BACH1: variants seen among roughly 807,000 people sequenced by gnomAD.
BACH1 encodes the protein transcription regulator protein BACH1.
In BACH1, 35 loss-of-function variants were observed where a neutral mutation model predicts 52.9. That is an observed-to-expected ratio of 0.66 (90% confidence interval 0.51 to 0.88). BACH1 has a LOEUF of 0.88. Ranked by LOEUF, BACH1 falls within the 40% of genes least tolerant of loss-of-function variation. The pLI is 0.00. For synonymous variants in BACH1, 321 were observed against 319.6 expected, an observed-to-expected ratio of 1.00 and a Z score of -0.05; for missense variants, 808 against 872.6, an observed-to-expected ratio of 0.93 and a Z score of 0.93.
At chr21:29,348,313 C>T (rs886329056), downstream of BACH1, among the ~76,000 whole-genome samples, 15 of 152,216 alleles carry the variant, frequency 9.9e-5, no homozygotes, top group African/African-American at 3.6e-4. Flanking sequence ...GAAGAGTTAA[C>T]CACAAAATTA....
intron 1 of BACH1, among the ~76,000 whole-genome samples, chr21:29,318,659 G>A (rs1381270989): frequency 6.6e-6 from 1 of 152,196 alleles, no homozygotes; most frequent in African/African-American, 2.4e-5. Context: ...TGAGTAGTCA[G>A]CCAGCTGGTG....
chr21:29,350,751 G>A (rs2089197444), downstream of BACH1, among the ~76,000 whole-genome samples: 1 of 152,208 alleles, frequency 6.6e-6, no homozygotes, highest in African/African-American at 2.4e-5. Flanking sequence ...AAGAGGTTGA[G>A]GGAAGATCAT....
intron 4 of BACH1, 88 bp from the exon 5 acceptor site, chr21:29,342,311 G>A (rs186173851): frequency 1.2e-4 from 149 of 1,277,728 alleles, no homozygotes; most frequent in Non-Finnish European, 1.4e-4. Context: ...TACTTGATGA[G>A]AAGCCCCTGT....
chr21:29,360,670 C>A (rs1003708747), intron 2 of BACH1, among the ~76,000 whole-genome samples: 1 of 152,076 alleles, frequency 6.6e-6, no homozygotes, highest in Non-Finnish European at 1.5e-5. Flanking sequence ...CATGGCGAAA[C>A]CCTGTCTCTA....
chr21:29,330,400 T>C (rs1049064101), intron 4 of BACH1, among the ~76,000 whole-genome samples: 2 of 152,142 alleles, frequency 1.3e-5, no homozygotes, highest in African/African-American at 4.8e-5. Context: ...CAGGATGGTC[T>C]CGATCTCCTG....
At chr21:29,315,912 C>T (rs979563931) in intron 1 of BACH1, among the ~76,000 whole-genome samples, 1 of 151,570 alleles carries the variant, frequency 6.6e-6, no homozygotes, top group Non-Finnish European at 1.5e-5. Flanking sequence ...ATCATATGGC[C>T]CAGCTAACAC....
intron 4 of BACH1, among the ~76,000 whole-genome samples, chr21:29,338,910 G>A (rs1030277760): frequency 6.6e-5 from 10 of 151,930 alleles, no homozygotes; most frequent in African/African-American, 2.4e-4. Context: ...CTGCATGGAA[G>A]TATTTTATAT....
chr21:29,330,012 T>C (rs1312650465), intron 4 of BACH1, among the ~76,000 whole-genome samples: 2 of 152,190 alleles, frequency 1.3e-5, no homozygotes, highest in Non-Finnish European at 2.9e-5. Flanking sequence ...TTAAATGAAC[T>C]GTGGACCTGA....
intron 1 of BACH1, among the ~76,000 whole-genome samples, chr21:29,312,571 A>G (rs1289145396): frequency 6.6e-6 from 1 of 152,222 alleles, no homozygotes; most frequent in African/African-American, 2.4e-5. Flanking sequence ...AAGGTTGCAG[A>G]ATTCACGGTT....
Position 29,332,818 on chromosome 21 carries a change from C to T in BACH1, c.1776+3125C>T, listed in dbSNP as rs558275557. Among the ~76,000 whole-genome samples the T allele has an allele frequency of 4.3e-4, 65 of 152,318 alleles. 2 individuals are homozygous for T. The South Asian group carries it at 0.013, about 31-fold the overall frequency. The stretch of plus-strand genomic sequence containing the variant: ...TACTGGCTGAATTCACTCAGGTATC[C>T]TCTTCTGTGACTAGCGAGCAAGAAC... On this transcript the variant is annotated intron_variant, in intron 4 of 4. Transcript: ENST00000286800.
chr21:29,318,408 G>A (rs1240276855), intron 1 of BACH1, among the ~76,000 whole-genome samples: 1 of 152,184 alleles, frequency 6.6e-6, no homozygotes, highest in Non-Finnish European at 1.5e-5. Flanking sequence ...CATCAGTCAT[G>A]GTGCATGCTG....
intron 2 of BACH1, among the ~76,000 whole-genome samples, chr21:29,355,747 C>T (rs1309089553): frequency 2.6e-5 from 4 of 152,230 alleles, no homozygotes; most frequent in South Asian, 2.1e-4. Flanking sequence ...AATAAGGGTC[C>T]GAAGGCGAGT....
intron 2 of BACH1, among the ~76,000 whole-genome samples, chr21:29,323,547 T>C (rs1260270459): frequency 6.6e-6 from 1 of 152,174 alleles, no homozygotes; most frequent in African/African-American, 2.4e-5. Context: ...CCTGTTTTGT[T>C]CCAGCCTCGC....
At position 29,342,537 on chromosome 21, in the gene BACH1, G is replaced by A. The variant is rs772410821; in HGVS notation, c.1915G>A (p.Ala639Thr). ...ALSQEQIQIL[A>T]KYSAADCPLS... Reference sequence around the variant, plus strand: ...GAGTCAAGAACAAATACAGATACTCGCCAAGTACTCAGCTGCAGATTGCCC... The same window carrying A: ...GAGTCAAGAACAAATACAGATACTCACCAAGTACTCAGCTGCAGATTGCCC... The change falls in exon 5 of 5, where the codon GCC becomes ACC. Residue 639 changes from alanine to threonine, a missense_variant. Coordinates refer to ENST00000286800, the MANE Select transcript of BACH1 (RefSeq NM_001186.4). 3.5e-5 allele frequency: 56 copies of A among 1,614,026 alleles called. No individual in the cohort carries two copies. The highest frequency in any genetic ancestry group is 1.7e-5 in the Admixed American group (1 of 60,004).
rs760229936 is a variant in BACH1, at chr21:29,329,528, T to G, written c.1611T>G (p.Ser537=). 6.2e-7 allele frequency: 1 copy of G among 1,600,806 alleles called. No homozygotes were observed. Among genetic ancestry groups the G allele is most frequent in the Non-Finnish European group, 8.5e-7 (1 of 1,175,018 alleles). Residue 537 remains serine, a synonymous_variant, in exon 4 of 5, where the codon TCT becomes TCG. Transcript: ENST00000286800. ...PFNAQRIISL[S]RNDFQSLLKM... Reference sequence around the variant, plus strand: ...ATGCACAACGGATAATTTCACTGTCTCGAAATGATTTTCAGTCCTTGTTGA... The same window carrying G: ...ATGCACAACGGATAATTTCACTGTCGCGAAATGATTTTCAGTCCTTGTTGA...
chr21:29,336,869 A>G (rs1320894191), intron 4 of BACH1, among the ~76,000 whole-genome samples: 1 of 151,948 alleles, frequency 6.6e-6, no homozygotes, highest in African/African-American at 2.4e-5. Flanking sequence ...ATGGGTTTTC[A>G]TCGTGTTGGC....
rs556310756 is a variant in BACH1 at position 29,327,824 on chromosome 21, A to T, written c.1569+431A>T. 6.5e-4 allele frequency among the ~76,000 whole-genome samples: 99 copies of T among 152,312 alleles called. 2 individuals carry two copies. In the South Asian group the frequency reaches 0.018, roughly 28 times the overall value. ...AGACAGAGCAAGACTGTCTCAAAAA[A>T]TTTTTTAAAAACACTGTGTGATAAA... On this transcript the variant is annotated intron_variant, in intron 3 of 4. Transcript: ENST00000286800.
intron 1 of BACH1, among the ~76,000 whole-genome samples, chr21:29,315,678 A>C (rs2088778234): frequency 6.6e-6 from 1 of 152,240 alleles, no homozygotes; most frequent in South Asian, 2.1e-4. Context: ...AATTGTTCTC[A>C]TTAATTGAAT....
downstream of BACH1, among the ~76,000 whole-genome samples, chr21:29,348,437 G>C (rs2089183135): frequency 6.6e-6 from 1 of 151,776 alleles, no homozygotes; most frequent in South Asian, 2.1e-4. Context: ...TGCTGCCAGA[G>C]ACCATAGTAG....
Sources: gnomAD v4.1 joint callset for allele counts (sites outside exome capture counted in the v4.1 genomes callset) on GRCh38, gnomAD v4.1.1 for gene constraint, MANE v1.5 for transcripts, NCBI Gene and HGNC (gene_info 2026-07-23, HGNC 2026-07-21) for gene names.